The following TTC27 variants were observed in gnomAD, a reference collection of about 807,000 sequenced individuals.
TTC27 encodes the protein tetratricopeptide repeat domain 27, also known as tetratricopeptide repeat protein 27.
TTC27 carries 79 observed loss-of-function variants against 115.9 expected under a neutral mutation model. That is an observed-to-expected ratio of 0.68 (90% CI 0.57 to 0.82). TTC27 has a LOEUF of 0.82. TTC27 is among the 40% of genes least tolerant of loss of function. TTC27 has a pLI of 0.00. For missense variants in TTC27, 1,054 were observed against 993.1 expected (o/e 1.06, Z -0.82); for synonymous variants, 401 against 356.0 (o/e 1.13, Z -1.42).
chr2:32,725,414 G>C (rs1200102846), intron 10 of TTC27, among the ~76,000 whole-genome samples: 1 of 151,918 alleles, frequency 6.6e-6, no homozygotes, highest in Non-Finnish European at 1.5e-5. Context: ...GGGAGAAATT[G>C]ACCAAAACAA....
chr2:32,705,396 A>G (rs758690431), intron 10 of TTC27, among the ~76,000 whole-genome samples: 5 of 152,210 alleles, frequency 3.3e-5, no homozygotes, highest in Non-Finnish European at 7.3e-5. Flanking sequence ...AGATTAACAC[A>G]GGGAGTTACT....
At chr2:32,634,300 AT>A (rs1162441687) in intron 3 of TTC27, among the ~76,000 whole-genome samples, 63 of 146,468 alleles carry the variant, frequency 4.3e-4, no homozygotes, top group Non-Finnish European at 5.1e-4. Flanking sequence ...TTACATAAAG[AT>A]TTTTTTTTTT....
Position 32,812,575 on chromosome 2 carries a change from A to G in TTC27, c.2268A>G (p.Ser756=). Residue 756 remains serine, a synonymous_variant, in exon 18 of 20, where the codon TCA becomes TCG. Transcript: ENST00000317907. ...ATTGTTGGGAGAAAGATATTACATC[A>G]TTTAAGGAAGTTGTTCAAAGAGCCT... ...QSNCWEKDIT[S]FKEVVQRALG... is the part of the protein sequence containing the mutation. The G allele has an allele frequency of 6.2e-7, 1 of 1,614,098 alleles. No individual in the cohort carries two copies. The highest frequency in any genetic ancestry group is 8.5e-7 in the Non-Finnish European group (1 of 1,179,944).
chr2:32,657,206 C>G lies in TTC27; in HGVS notation c.640+6973C>G, dbSNP rs142432812. 4.5e-3 allele frequency among the ~76,000 whole-genome samples: 687 copies of G among 151,938 alleles called. 3 individuals carry two copies. Among genetic ancestry groups the G allele is most frequent in the African/African-American group, 0.015 (632 of 41,438 alleles). ...TTCACTGTGTTAGCCAGGATGGTCT[C>G]GATCTCCTGACCTCGTGGTCTGCCC... On this transcript the variant is annotated intron_variant, in intron 5 of 19. Coordinates refer to ENST00000317907, the MANE Select transcript of TTC27 (RefSeq NM_017735.5).
rs139682365 is a variant in TTC27 at position 32,633,987 on chromosome 2, G to C, written c.378G>C (p.Leu126Phe). Residue 126 changes from leucine to phenylalanine, a missense_variant, in exon 3 of 20, where the codon TTG becomes TTC. Physicochemically the swap from Leu to Phe is conservative, Grantham distance 22. Transcript: ENST00000317907. ...LHPQDFLSSV[L>F]FQQFSEVKGL... ...CTCAGGACTTTTTGTCATCTGTTTT[G>C]TTCCAGCAATTCAGTGAGGTATGCT... 5.6e-6 allele frequency: 9 copies of C among 1,613,266 alleles called. No homozygotes were observed. Among genetic ancestry groups the C allele is most frequent in the Non-Finnish European group, 7.6e-6 (9 of 1,179,590 alleles).
intron 12 of TTC27, among the ~76,000 whole-genome samples, chr2:32,754,320 C>CTTGAGAT (rs1669127549): frequency 6.7e-6 from 1 of 149,744 alleles, no homozygotes; most frequent in African/African-American, 2.5e-5. Flanking sequence ...TCCCTGGGTA[C>CTTGAGAT]TTGAGATTAG....
At chr2:32,757,621 G>T (rs1669277719) in intron 12 of TTC27, among the ~76,000 whole-genome samples, 1 of 152,142 alleles carries the variant, frequency 6.6e-6, no homozygotes, top group South Asian at 2.1e-4. Flanking sequence ...TAGCAATTAA[G>T]CTGTGCACAT....
chr2:32,759,203 A>T (rs1165579012), intron 13 of TTC27, among the ~76,000 whole-genome samples: 1 of 152,152 alleles, frequency 6.6e-6, no homozygotes, highest in Non-Finnish European at 1.5e-5. Context: ...CTGCCTTCCC[A>T]TTTCACCAAT....
At chr2:32,781,493 C>A (rs1670177333) in intron 14 of TTC27, among the ~76,000 whole-genome samples, 1 of 152,012 alleles carries the variant, frequency 6.6e-6, no homozygotes, top group Non-Finnish European at 1.5e-5. Context: ...TGGTTTTATT[C>A]TGTTCTTTTA....
Position 32,787,022 on chromosome 2 carries a change from G to A in TTC27, c.1871G>A (p.Cys624Tyr), listed in dbSNP as rs762961237. The part of the protein sequence containing the change: ...AFRTLQEALK[C>Y]NYEHWQIWEN... ...AGAACTTTACAAGAAGCTCTCAAGT[G>A]TAACTATGAACACTGGCAGATTTGG... The change falls in exon 16 of 20, where the codon TGT becomes TAT. Residue 624 changes from cysteine to tyrosine, a missense_variant. Cys to Tyr is a radical substitution (Grantham distance 194, BLOSUM62 -2). Coordinates refer to ENST00000317907, the MANE Select transcript of TTC27 (RefSeq NM_017735.5). The A allele has an allele frequency of 6.2e-7, 1 of 1,613,894 alleles. No individual in the cohort carries two copies. Among genetic ancestry groups the A allele is most frequent in the Admixed American group, 1.7e-5 (1 of 59,952 alleles).
chr2:32,745,993 A>G (rs1037293980), intron 12 of TTC27, among the ~76,000 whole-genome samples: 1 of 152,214 alleles, frequency 6.6e-6, no homozygotes, highest in African/African-American at 2.4e-5. Context: ...AGTCTTGGCC[A>G]ACTTAGTTTT....
At chr2:32,799,959 T>A (rs1670863876) in intron 16 of TTC27, among the ~76,000 whole-genome samples, 3 of 152,208 alleles carry the variant, frequency 2.0e-5, no homozygotes, top group Non-Finnish European at 4.4e-5. Context: ...GAAGAGCACG[T>A]ACTCTGGAGT....
intron 12 of TTC27, among the ~76,000 whole-genome samples, chr2:32,750,821 A>G (rs1485314393): frequency 2.6e-5 from 4 of 152,364 alleles, no homozygotes; most frequent in Admixed American, 6.5e-5. Context: ...ACATTTCCCT[A>G]ATAACAAGTA....
chr2:32,723,666 T>C (rs981358134), intron 10 of TTC27, among the ~76,000 whole-genome samples: 3 of 150,842 alleles, frequency 2.0e-5, no homozygotes, highest in Non-Finnish European at 2.9e-5. Flanking sequence ...ATGAAAGTAG[T>C]AGCTAATTAT....
chr2:32,702,023 A>C (rs1295980237), intron 9 of TTC27, among the ~76,000 whole-genome samples: 6 of 150,696 alleles, frequency 4.0e-5, no homozygotes, highest in African/African-American at 1.5e-4. Flanking sequence ...AAAAAAAAAA[A>C]AACAAAAACA....
intron 16 of TTC27, among the ~76,000 whole-genome samples, chr2:32,804,954 A>G (rs1671079806): frequency 6.6e-6 from 1 of 152,182 alleles, no homozygotes; most frequent in Admixed American, 6.6e-5. Context: ...GGTTGATTCG[A>G]GATTTAGCAA....
chr2:32,663,640 G>T (rs1215653847), intron 5 of TTC27, among the ~76,000 whole-genome samples: 1 of 12,552 alleles, frequency 8.0e-5, no homozygotes, highest in African/African-American at 1.9e-4. Flanking sequence ...CCCTATTTAT[G>T]TATGTATGTA....
intron 12 of TTC27, among the ~76,000 whole-genome samples, chr2:32,739,880 T>A (rs1338381524): frequency 2.0e-5 from 3 of 152,256 alleles, no homozygotes; most frequent in African/African-American, 7.2e-5. Context: ...ATTTTAATCC[T>A]TGCATTTAAT....
At chr2:32,667,527 C>T (rs939090022) in intron 7 of TTC27, among the ~76,000 whole-genome samples, 1 of 151,086 alleles carries the variant, frequency 6.6e-6, no homozygotes. Flanking sequence ...AGCGATTCTC[C>T]TGCCTCAGCC....
Sources: gnomAD v4.1 joint callset for allele counts (sites outside exome capture counted in the v4.1 genomes callset) on GRCh38, gnomAD v4.1.1 for gene constraint, MANE v1.5 for transcripts, NCBI Gene and HGNC (gene_info 2026-07-23, HGNC 2026-07-21) for gene names.